NUP205: variants seen among roughly 807,000 people sequenced by gnomAD.
NUP205 encodes the protein nucleoporin 205.
A neutral mutation model predicts 253.8 loss-of-function variants in NUP205; 76 were observed. The ratio of observed to expected loss-of-function variants is 0.30; its 90% CI spans 0.25 to 0.36. The LOEUF (loss-of-function observed/expected upper bound fraction) is 0.36, where lower values mean the gene tolerates loss of function less well. Ranked by LOEUF, NUP205 falls within the 10% of genes least tolerant of loss-of-function variation. NUP205 has a pLI of 1.00. For synonymous variants in NUP205, 832 were observed against 850.1 expected (o/e 0.98, Z 0.37); for missense variants, 2,162 against 2,425.5 (o/e 0.89, Z 2.28).
At chr7:135,578,632 T>C (rs1365740697) in intron 6 of NUP205, 119 bp from the exon 7 acceptor site, 2 of 640,772 alleles carry the variant, frequency 3.1e-6, no homozygotes, top group Non-Finnish European at 5.2e-6. Flanking sequence ...TTAATGTTAA[T>C]TGGTCATTAT....
At chr7:135,567,290 T>A (rs80330943) in intron 1 of NUP205, among the ~76,000 whole-genome samples, 5,101 of 146,500 alleles carry the variant, frequency 0.035, 120 homozygotes, top group Middle Eastern at 0.1. Context: ...CTTTAAAAAA[T>A]TTTTTTTTCA....
At chr7:135,592,845 C>T (rs1806664753) in intron 11 of NUP205, 142 bp from the exon 12 acceptor site, 2 of 641,088 alleles carry the variant, frequency 3.1e-6, no homozygotes, top group East Asian at 2.8e-5. Context: ...TGAGATTGCC[C>T]CTCTGCACTC....
At chr7:135,570,648 A>G (rs1443254838) in intron 1 of NUP205, among the ~76,000 whole-genome samples, 2 of 130,856 alleles carry the variant, frequency 1.5e-5, no homozygotes, top group African/African-American at 5.8e-5. Context: ...ATAATTAGCA[A>G]TCATTTATTA....
At chr7:135,622,451 C>T (rs961516960) in intron 30 of NUP205, among the ~76,000 whole-genome samples, 3 of 150,994 alleles carry the variant, frequency 2.0e-5, no homozygotes, top group African/African-American at 7.3e-5. Flanking sequence ...AAAAAAAAGA[C>T]TGATGAGCAG....
intron 1 of NUP205, among the ~76,000 whole-genome samples, chr7:135,566,761 G>T (rs139006597): frequency 2.2e-4 from 34 of 151,386 alleles, no homozygotes; most frequent in African/African-American, 8.2e-4. Flanking sequence ...TTTTTGAGAC[G>T]GAGTCTTGCT....
chr7:135,587,807 T>G, intron 9 of NUP205, 48 bp from the exon 10 acceptor site: 2 of 1,555,912 alleles, frequency 1.3e-6, no homozygotes, highest in South Asian at 2.4e-5. Flanking sequence ...TTGAAAGTAA[T>G]TTTTCAGTCA....
intron 22 of NUP205, among the ~76,000 whole-genome samples, chr7:135,610,270 G>C (rs1451411734): frequency 6.6e-6 from 1 of 152,132 alleles, no homozygotes; most frequent in Non-Finnish European, 1.5e-5. Context: ...TGCCCAGGTG[G>C]AGTGCAGTGG....
chr7:135,570,712 ATAATTAATTATATTTATATAT>A (rs1383745548), intron 1 of NUP205, among the ~76,000 whole-genome samples: 1 of 109,538 alleles, frequency 9.1e-6, no homozygotes, highest in East Asian at 2.4e-4. Flanking sequence ...TTATATTAAT[ATAATTAATTATATTTATATAT>A]TATATTAATA....
intron 10 of NUP205, 98 bp downstream of exon 10, chr7:135,588,090 C>A: frequency 1.0e-6 from 1 of 976,168 alleles, no homozygotes; most frequent in Non-Finnish European, 1.5e-6. Context: ...GCTGTTAACA[C>A]AAATGATCAC....
intron 19 of NUP205, 25 bp downstream of exon 19, chr7:135,604,485 A>AT (rs751966520): frequency 4.4e-6 from 7 of 1,591,830 alleles, no homozygotes; most frequent in Non-Finnish European, 6.0e-6. Context: ...TGCTCTTGTT[A>AT]TTTTTTGGTG....
intron 24 of NUP205, among the ~76,000 whole-genome samples, 185 bp downstream of exon 24, chr7:135,616,250 A>G (rs1389579864): frequency 6.6e-6 from 1 of 152,188 alleles, no homozygotes; most frequent in Non-Finnish European, 1.5e-5. Flanking sequence ...TATTTTAAGC[A>G]TCCATATTAC....
chr7:135,570,046 T>TAGAG (rs1343013772), intron 1 of NUP205, among the ~76,000 whole-genome samples: 45 of 102,370 alleles, frequency 4.4e-4, no homozygotes, highest in Non-Finnish European at 6.3e-4. Flanking sequence ...TATATATATA[T>TAGAG]ATATATAGAG....
intron 35 of NUP205, among the ~76,000 whole-genome samples, chr7:135,632,131 G>A (rs61360007): frequency 0.16 from 23,949 of 152,144 alleles, 2,053 homozygotes; most frequent in Middle Eastern, 0.19. Context: ...CTCTAAGAAT[G>A]TCTGAAGGTT....
chr7:135,631,193 A>C (rs896438283), intron 35 of NUP205, among the ~76,000 whole-genome samples: 1 of 148,052 alleles, frequency 6.8e-6, no homozygotes, highest in African/African-American at 2.7e-5. Flanking sequence ...TTTTACATGA[A>C]TTTATTTATT....
rs1052441836 is a variant in NUP205, at chr7:135,630,411, C to T, written c.5000C>T (p.Ala1667Val). 1.9e-6 allele frequency: 3 copies of T among 1,610,688 alleles called. No individual in the cohort carries two copies. The highest frequency in any genetic ancestry group is 1.3e-5 in the African/African-American group (1 of 74,812). ...ATTCTGCGCTGTCAGGATGTTAGTGCTGGGTCTTTGCAGGAATTGGCTCTG... is the reference window on the plus strand; with the variant it reads ...ATTCTGCGCTGTCAGGATGTTAGTGTTGGGTCTTTGCAGGAATTGGCTCTG... ...QAILRCQDVS[A>V]GSLQELALLT... Residue 1667 changes from alanine to valine, a missense_variant, in exon 35 of 43, where the codon GCT becomes GTT. Around this residue, in one of 5 missense-constraint regions of NUP205, gnomAD observed 1,144 missense variants for 1,280.9 expected, o/e 0.89. Transcript: ENST00000285968.
At chr7:135,572,454 G>A (rs1806023404) in intron 2 of NUP205, among the ~76,000 whole-genome samples, 1 of 152,182 alleles carries the variant, frequency 6.6e-6, no homozygotes, top group African/African-American at 2.4e-5. Context: ...TAATTCTTGA[G>A]TATTTTTAAT....
Position 135,587,666 on chromosome 7 carries a change from G to A in NUP205, c.1310G>A (p.Arg437Lys), listed in dbSNP as rs148246750. Residue 437 changes from arginine to lysine, a missense_variant, in exon 9 of 43, where the codon AGG becomes AAG. Arg to Lys is a conservative substitution (Grantham distance 26). This residue lies in a region of NUP205 where 892 missense variants were observed against 957.1 expected (regional missense o/e 0.93). Coordinates refer to ENST00000285968, the MANE Select transcript of NUP205 (RefSeq NM_015135.3). ...AATGAACCCCCCATTTCACTTAGAAGGGACCTGGAACACTTAATGCTTTTG... is the reference window on the plus strand; with the variant it reads ...AATGAACCCCCCATTTCACTTAGAAAGGACCTGGAACACTTAATGCTTTTG... Reference protein sequence around the residue: ...MGNEPPISLRRDLEHLMLLIG... With the variant: ...MGNEPPISLRKDLEHLMLLIG... 1.5e-5 allele frequency: 24 copies of A among 1,607,680 alleles called. No individual in the cohort carries two copies. Among genetic ancestry groups the A allele is most frequent in the African/African-American group, 2.7e-5 (2 of 74,654 alleles).
Position 135,593,201 on chromosome 7 carries a change from C to T in NUP205, c.1830+9C>T. 6.2e-7 allele frequency: 1 copy of T among 1,610,450 alleles called. No individual in the cohort carries two copies. Among genetic ancestry groups the T allele is most frequent in the African/African-American group, 1.3e-5 (1 of 74,960 alleles). On this transcript the variant is annotated intron_variant, in intron 12 of 42. Transcript: ENST00000285968. ...CTACCATCATTACTTGGGTAGGTAACTCATCCCCAGCATAATTTTATTTTT... is the reference window on the plus strand; with the variant it reads ...CTACCATCATTACTTGGGTAGGTAATTCATCCCCAGCATAATTTTATTTTT...
chr7:135,592,844 C>A, intron 11 of NUP205, 143 bp from the exon 12 acceptor site: 1 of 633,244 alleles, frequency 1.6e-6, no homozygotes, highest in Non-Finnish European at 2.7e-6. Context: ...CTGAGATTGC[C>A]CCTCTGCACT....
Sources: gnomAD v4.1 joint callset for allele counts (sites outside exome capture counted in the v4.1 genomes callset) on GRCh38, gnomAD v4.1.1 for gene constraint, gnomAD v4.1.1 regional missense constraint, MANE v1.5 for transcripts, NCBI Gene and HGNC (gene_info 2026-07-23, HGNC 2026-07-21) for gene names.